POU2F3: variants seen among roughly 807,000 people sequenced by gnomAD.
The protein encoded by POU2F3 is POU class 2 homeobox 3, also known as POU domain, class 2, transcription factor 3.
A neutral mutation model predicts 59.2 loss-of-function variants in POU2F3; 23 were observed. The ratio of observed to expected loss-of-function variants is 0.39; its 90% CI spans 0.28 to 0.55. POU2F3 has a LOEUF of 0.55. Ranked by LOEUF, POU2F3 falls within the 20% of genes least tolerant of loss-of-function variation. The probability of loss-of-function intolerance (pLI) is 0.66; values close to 1 mark genes in which losing one functional copy is unlikely to be tolerated. For synonymous variants in POU2F3, 190 were observed against 214.6 expected (o/e 0.89, Z 1.00); for missense variants, 473 against 544.5 (o/e 0.87, Z 1.31).
At chr11:120,305,418 G>A (rs915083129) in intron 7 of POU2F3, 2 of 888,644 alleles carry the variant, frequency 2.3e-6, no homozygotes, top group South Asian at 1.9e-5. Flanking sequence ...AGGTGGAAAA[G>A]GGGCTGGCTC....
chr11:120,315,228 T>C (rs1941754020), intron 10 of POU2F3, 133 bp from the exon 11 acceptor site: 1 of 788,398 alleles, frequency 1.3e-6, no homozygotes, highest in African/African-American at 1.7e-5. Context: ...GAGGATGGCA[T>C]GTAGGCTAGG....
At chr11:120,305,510 A>T in intron 7 of POU2F3, 134 bp from the exon 8 acceptor site, 1 of 1,345,576 alleles carries the variant, frequency 7.4e-7, no homozygotes, top group Non-Finnish European at 1.0e-6. Flanking sequence ...GGAGACTTGG[A>T]AAGGAGCCGA....
chr11:120,298,958 G>T (rs1042790139), intron 4 of POU2F3, among the ~76,000 whole-genome samples: 3 of 152,140 alleles, frequency 2.0e-5, no homozygotes, highest in African/African-American at 4.8e-5. Context: ...GGCTTCTCAG[G>T]TCTTCTCTAT....
intron 2 of POU2F3, chr11:120,254,045 C>T (rs1006648290): frequency 3.9e-5 from 6 of 152,204 alleles, no homozygotes; most frequent in African/African-American, 1.4e-4. Flanking sequence ...GAGCCTCAGC[C>T]CTTCACTAAG....
intron 2 of POU2F3, 30 bp downstream of exon 2, chr11:120,246,547 G>C (rs144007864): frequency 3.1e-6 from 5 of 1,606,750 alleles, no homozygotes; most frequent in South Asian, 2.2e-5. Context: ...GGGGATGGAG[G>C]GGGTGGGGGG....
intron 2 of POU2F3, among the ~76,000 whole-genome samples, chr11:120,247,027 A>G (rs1051821457): frequency 6.6e-6 from 1 of 152,198 alleles, no homozygotes; most frequent in Non-Finnish European, 1.5e-5. Flanking sequence ...GGATGTCAGT[A>G]GTCCCAGCTA....
In POU2F3 at chr11:120,298,487, T is replaced by G. The variant is rs969466477; in HGVS notation, c.258+97T>G. On this transcript the variant is annotated intron_variant, in intron 4 of 12. Coordinates refer to ENST00000543440, the MANE Select transcript of POU2F3 (RefSeq NM_014352.4). The stretch of plus-strand genomic sequence containing the variant: ...CTTGGTACTCGTCTAAAGAACCCCC[T>G]GCAGGCAATGTGGGAAAGAGATCTG... 2.4e-5 allele frequency: 37 copies of G among 1,510,398 alleles called. No homozygotes were observed. The African/African-American group carries it at 4.3e-4, about 18-fold the overall frequency. The allele number at this position is 1,510,398 out of a possible 1,614,324, so 93.6% of individuals were successfully genotyped here.
chr11:120,300,505 T>C (rs1941316497), intron 5 of POU2F3, among the ~76,000 whole-genome samples: 1 of 152,128 alleles, frequency 6.6e-6, no homozygotes, highest in Non-Finnish European at 1.5e-5. Context: ...GGCTCACGCC[T>C]GTAATCCCAG....
At chr11:120,255,619 G>A (rs1939307429) in intron 2 of POU2F3, among the ~76,000 whole-genome samples, 3 of 152,102 alleles carry the variant, frequency 2.0e-5, no homozygotes, top group African/African-American at 7.2e-5. Flanking sequence ...CAGGGCTCCA[G>A]GTTATCAAAG....
At chr11:120,288,298 G>A (rs1459364024) in intron 3 of POU2F3, among the ~76,000 whole-genome samples, 1 of 152,030 alleles carries the variant, frequency 6.6e-6, no homozygotes, top group Non-Finnish European at 1.5e-5. Flanking sequence ...TATGCTTTAA[G>A]ACAAAATAGG....
At chr11:120,267,485 A>AC (rs1267181502) in intron 2 of POU2F3, among the ~76,000 whole-genome samples, 5 of 151,530 alleles carry the variant, frequency 3.3e-5, no homozygotes, top group Admixed American at 6.6e-5. Flanking sequence ...TTTGCATCTC[A>AC]CCTCTCCCTC....
intron 3 of POU2F3, among the ~76,000 whole-genome samples, chr11:120,287,429 A>T (rs1940823361): frequency 1.3e-5 from 2 of 152,204 alleles, no homozygotes; most frequent in Admixed American, 6.5e-5. Flanking sequence ...AGTGTGCAAA[A>T]TTCATATCTT....
chr11:120,261,544 A>T (rs1412534778), intron 2 of POU2F3, among the ~76,000 whole-genome samples: 2 of 152,134 alleles, frequency 1.3e-5, no homozygotes, highest in Non-Finnish European at 2.9e-5. Context: ...GATCTCATCC[A>T]TTTGCTCCCA....
At chr11:120,302,534 G>T (rs7129256) in intron 6 of POU2F3, 166 bp downstream of exon 6, 29 of 601,618 alleles carry the variant, frequency 4.8e-5, no homozygotes, top group South Asian at 3.2e-4. Context: ...TACAGCAAGT[G>T]GGGGGACAAT....
At chr11:120,296,323 G>C (rs370965338) in intron 3 of POU2F3, among the ~76,000 whole-genome samples, 1 of 152,256 alleles carries the variant, frequency 6.6e-6, no homozygotes, top group South Asian at 2.1e-4. Flanking sequence ...ACCATATTTA[G>C]GACATTAGCT....
In POU2F3 at chr11:120,302,320, A is replaced by G; in HGVS notation, c.396A>G (p.Gln132=). The change falls in exon 6 of 13, where the codon CAA becomes CAG. Residue 132 remains glutamine (Q), a synonymous_variant. Coordinates refer to ENST00000543440, the MANE Select transcript of POU2F3 (RefSeq NM_014352.4). ...CAAATCTCCTCCCCTTTCCACAGCA[A>G]CAAAGCGGTCTCCTCCTCCCACAGA... ...LQPNLLPFPQ[Q]QSGLLLPQTG... is the part of the protein sequence containing the mutation. 5.6e-6 allele frequency: 9 copies of G among 1,613,154 alleles called. No individual in the cohort carries two copies. The highest frequency in any genetic ancestry group is 6.8e-6 in the Non-Finnish European group (8 of 1,179,228).
In POU2F3 at chr11:120,298,246, C is replaced by A; in HGVS notation, c.133-19C>A. 1 of 1,606,680 alleles carries A rather than the reference C, an allele frequency of 6.2e-7. No homozygotes were observed. Among genetic ancestry groups the A allele is most frequent in the Non-Finnish European group, 8.5e-7 (1 of 1,177,118 alleles). The stretch of plus-strand genomic sequence containing the variant: ...GACGGGATCCAGCACTGACGCTCTC[C>A]TCTTGCTTCCACTTGCAGATTAAAA... On this transcript the variant is annotated intron_variant, in intron 3 of 12. Transcript: ENST00000543440.
intron 10 of POU2F3, among the ~76,000 whole-genome samples, chr11:120,314,265 T>A (rs1380825428): frequency 6.6e-6 from 1 of 152,226 alleles, no homozygotes; most frequent in African/African-American, 2.4e-5. Flanking sequence ...TAGGGTGGGA[T>A]CTTCCAAACT....
chr11:120,297,936 ATTTTT>A (rs1335660134), intron 3 of POU2F3, among the ~76,000 whole-genome samples: 1 of 113,834 alleles, frequency 8.8e-6, no homozygotes. Flanking sequence ...ATGCCTGGCT[ATTTTT>A]TTTTTTTTTT....
Sources: allele counts gnomAD v4.1 joint callset (sites outside exome capture counted in the v4.1 genomes callset), GRCh38; gene constraint gnomAD v4.1.1; transcripts MANE v1.5; gene names NCBI Gene and HGNC (gene_info 2026-07-23, HGNC 2026-07-21).